CNTN5: variants seen among roughly 807,000 people sequenced by gnomAD.
CNTN5 encodes the protein contactin-5.
A neutral mutation model predicts 129.1 loss-of-function variants in CNTN5; 77 were observed. The observed-to-expected ratio is 0.60, with a 90% CI of 0.50 to 0.72. The LOEUF (loss-of-function observed/expected upper bound fraction) is 0.72, where lower values mean the gene tolerates loss of function less well. CNTN5 is among the 30% of genes least tolerant of loss of function. The pLI is 0.00. For missense variants in CNTN5, 1,478 were observed against 1,328.8 expected, an observed-to-expected ratio of 1.11 and a Z score of -1.75; for synonymous variants, 509 against 465.6, an observed-to-expected ratio of 1.09 and a Z score of -1.20.
intron 1 of CNTN5, among the ~76,000 whole-genome samples, chr11:99,142,927 G>T (rs1330599972): frequency 1.3e-5 from 2 of 152,138 alleles, no homozygotes; most frequent in African/African-American, 4.8e-5. Context: ...CTCAGGGCCA[G>T]GGACTAGTCC....
chr11:99,189,066 C>T (rs1858500215), intron 1 of CNTN5, among the ~76,000 whole-genome samples: 1 of 151,648 alleles, frequency 6.6e-6, no homozygotes, highest in African/African-American at 2.4e-5. Flanking sequence ...AGGTTCCACA[C>T]ATAAGTGAAA....
chr11:99,669,488 A>G (rs1239286007), intron 3 of CNTN5, among the ~76,000 whole-genome samples: 2 of 151,796 alleles, frequency 1.3e-5, no homozygotes, highest in South Asian at 2.1e-4. Context: ...GTGTATACAT[A>G]TATACACATA....
intron 3 of CNTN5, among the ~76,000 whole-genome samples, chr11:99,759,481 G>C (rs1469368858): frequency 6.6e-6 from 1 of 151,994 alleles, no homozygotes; most frequent in African/African-American, 2.4e-5. Context: ...CTACAGCACA[G>C]TTTCAAAGAG....
intron 3 of CNTN5, among the ~76,000 whole-genome samples, chr11:99,737,205 A>G (rs1394539219): frequency 6.6e-6 from 1 of 151,816 alleles, no homozygotes; most frequent in Non-Finnish European, 1.5e-5. Flanking sequence ...TCAAAGTCCA[A>G]CTCAAGTTGT....
chr11:99,897,184 T>C (rs1949228624), intron 6 of CNTN5, among the ~76,000 whole-genome samples: 1 of 152,126 alleles, frequency 6.6e-6, no homozygotes, highest in South Asian at 2.1e-4. Context: ...CTACAAGTTA[T>C]TGGAATTCCT....
At chr11:100,109,237 C>G (rs897903598) in intron 13 of CNTN5, among the ~76,000 whole-genome samples, 1 of 152,246 alleles carries the variant, frequency 6.6e-6, no homozygotes, top group African/African-American at 2.4e-5. Flanking sequence ...ACCAGCCTGG[C>G]CAACATGGCG....
chr11:99,925,191 G>C (rs1950032948), intron 7 of CNTN5, among the ~76,000 whole-genome samples: 2 of 152,136 alleles, frequency 1.3e-5, no homozygotes, highest in South Asian at 4.1e-4. Flanking sequence ...GGGAATACTA[G>C]TGTTGTATGT....
intron 9 of CNTN5, among the ~76,000 whole-genome samples, chr11:100,034,355 C>A (rs891310608): frequency 6.6e-6 from 1 of 152,186 alleles, no homozygotes; most frequent in Non-Finnish European, 1.5e-5. Flanking sequence ...ACTAAAGTTG[C>A]TATCTCCTTT....
intron 9 of CNTN5, among the ~76,000 whole-genome samples, chr11:100,060,733 G>A (rs936902919): frequency 2.0e-5 from 3 of 149,780 alleles, no homozygotes; most frequent in Admixed American, 1.3e-4. Flanking sequence ...TCCGCTTTCC[G>A]GTTTCAAGCG....
At chr11:99,709,465 A>G (rs688358) in intron 3 of CNTN5, among the ~76,000 whole-genome samples, 132,165 of 151,794 alleles carry the variant, frequency 0.87, 57,649 homozygotes, top group Middle Eastern at 0.89. Context: ...TAAGAATTAC[A>G]TAAATACCCC....
intron 8 of CNTN5, among the ~76,000 whole-genome samples, chr11:99,961,395 G>A (rs985648084): frequency 5.3e-5 from 8 of 152,016 alleles, no homozygotes; most frequent in South Asian, 4.2e-4. Context: ...GAGAGGAAGA[G>A]CATCACCAAG....
intron 9 of CNTN5, among the ~76,000 whole-genome samples, chr11:100,024,408 A>G (rs1316271456): frequency 6.6e-6 from 1 of 152,184 alleles, no homozygotes; most frequent in East Asian, 1.9e-4. Context: ...CTGTATGAGA[A>G]CTAATACAAC....
intron 16 of CNTN5, among the ~76,000 whole-genome samples, chr11:100,234,589 C>T (rs764570661): frequency 1.4e-4 from 21 of 149,228 alleles, no homozygotes; most frequent in Non-Finnish European, 2.5e-4. Flanking sequence ...GGGAATTGAA[C>T]AATGAGAACA....
At chr11:100,291,786 T>TAAATA (rs1950983346) in intron 18 of CNTN5, among the ~76,000 whole-genome samples, 1 of 51,680 alleles carries the variant, frequency 1.9e-5, no homozygotes, top group African/African-American at 4.7e-5. Flanking sequence ...AATAAATAAA[T>TAAATA]AAAAAATATA....
chr11:99,573,171 G>T (rs1949230487), intron 3 of CNTN5, among the ~76,000 whole-genome samples: 3 of 146,182 alleles, frequency 2.1e-5, no homozygotes, highest in Admixed American at 6.8e-5. Context: ...CCCAAGGAGT[G>T]TTTTTTTTTT....
intron 21 of CNTN5, 193 bp downstream of exon 21, chr11:100,308,661 A>G (rs960148627): frequency 7.8e-7 from 1 of 1,277,428 alleles, no homozygotes; most frequent in Non-Finnish European, 9.9e-7. Context: ...TTTTCAGTAC[A>G]GTAGCTTCCG....
chr11:100,019,011 A>T (rs1202748309), intron 9 of CNTN5, among the ~76,000 whole-genome samples: 1 of 151,836 alleles, frequency 6.6e-6, no homozygotes, highest in South Asian at 2.1e-4. Context: ...TTATTATTAA[A>T]TTTTGCGTGA....
intron 2 of CNTN5, among the ~76,000 whole-genome samples, chr11:99,437,088 C>T (rs1943628304): frequency 1.3e-5 from 2 of 152,128 alleles, no homozygotes; most frequent in Admixed American, 1.3e-4. Context: ...CCCTGATTTC[C>T]ACCTCCAAAG....
chr11:99,979,891 T>C (rs1321454824), intron 8 of CNTN5, among the ~76,000 whole-genome samples: 5 of 152,234 alleles, frequency 3.3e-5, no homozygotes, highest in Non-Finnish European at 7.3e-5. Flanking sequence ...GTCCTGGCTC[T>C]GGCATTTAAG....
Sources: allele counts gnomAD v4.1 joint callset (sites outside exome capture counted in the v4.1 genomes callset), GRCh38; gene constraint gnomAD v4.1.1; transcripts MANE v1.5; gene names NCBI Gene and HGNC (gene_info 2026-07-23, HGNC 2026-07-21).